Variants in MED14 observed in about 807,000 individuals in gnomAD.
MED14 encodes the protein mediator of RNA polymerase II transcription subunit 14.
A neutral mutation model predicts 109.0 loss-of-function variants in MED14; 8 were observed. The observed-to-expected ratio is 0.07, with a 90% CI of 0.04 to 0.13. The LOEUF (loss-of-function observed/expected upper bound fraction) is 0.13, where lower values mean the gene tolerates loss of function less well. MED14 is among the 10% of genes least tolerant of loss of function. The pLI, the probability that MED14 is intolerant of heterozygous loss-of-function variation, is 1.00. For synonymous variants in MED14, 399 were observed against 408.7 expected (o/e 0.98, Z 0.29); for missense variants, 711 against 1,142.4 (o/e 0.62, Z 5.44).
chrX:40,652,373 T>A (rs777966123), intron 30 of MED14, among the ~76,000 whole-genome samples: 5 of 112,313 alleles, frequency 4.5e-5, no homozygotes, highest in African/African-American at 1.6e-4. Context: ...AAGTGTGCCA[T>A]GGCTATTAAG....
chrX:40,732,324 G>A (rs1350177887), intron 1 of MED14, among the ~76,000 whole-genome samples: 2 of 112,077 alleles, frequency 1.8e-5, no homozygotes, highest in African/African-American at 6.5e-5. Context: ...TTTGAGACCA[G>A]CCTGGTCAGC....
intron 26 of MED14, chrX:40,659,862 T>G: frequency 3.8e-6 from 1 of 266,560 alleles, no homozygotes; most frequent in Non-Finnish European, 6.6e-6. Flanking sequence ...GAGCCTGAAT[T>G]CATGCAGTAG....
intron 30 of MED14, among the ~76,000 whole-genome samples, chrX:40,652,322 G>A (rs1013459568): frequency 8.9e-6 from 1 of 112,231 alleles, no homozygotes; most frequent in African/African-American, 3.2e-5. Context: ...TTAGGACAGC[G>A]CTGTCCAATA....
At position 40,650,200 on chromosome X, in the gene MED14, T is replaced by A; in HGVS notation, c.*1606A>T. 1 of 753,936 alleles carries A rather than the reference T, an allele frequency of 1.3e-6. No individual in the cohort carries two copies. Among genetic ancestry groups the A allele is most frequent in the Non-Finnish European group, 1.6e-6 (1 of 639,120 alleles). 62.1% of individuals were successfully genotyped at this position (753,936 alleles called of 1,213,427 possible). A position where few individuals can be genotyped will look rare whatever the true frequency, so the allele number is the denominator to read the frequency against. ...TAAAAAGATTAAGTTAAAGGAAGGA[T>A]AAAAGTTTAGTCAACTGCTCCTGAA... On this transcript the variant is annotated 3_prime_UTR_variant, in exon 31 of 31. Coordinates refer to ENST00000324817, the MANE Select transcript of MED14 (RefSeq NM_004229.4).
chrX:40,709,889 A>G (rs1447379430), intron 9 of MED14, 90 bp downstream of exon 9: 4 of 564,209 alleles, frequency 7.1e-6, no homozygotes, highest in Non-Finnish European at 1.1e-5. Context: ...GAAGAATTAG[A>G]TATTTTTAAA....
chrX:40,720,353 G>C (rs928175680), intron 3 of MED14, among the ~76,000 whole-genome samples: 1 of 112,117 alleles, frequency 8.9e-6, no homozygotes, highest in Non-Finnish European at 1.9e-5. Context: ...TGCACTTAAG[G>C]GAGGGAGAGA....
intron 16 of MED14, among the ~76,000 whole-genome samples, chrX:40,683,600 G>A (rs1257950857): frequency 2.7e-5 from 3 of 111,882 alleles, no homozygotes; most frequent in Non-Finnish European, 5.6e-5. Context: ...GAACTCCTGA[G>A]CGATCCTCCC....
chrX:40,704,525 C>T (rs1931064977), intron 10 of MED14, among the ~76,000 whole-genome samples: 1 of 112,087 alleles, frequency 8.9e-6, no homozygotes, highest in Admixed American at 9.4e-5. Context: ...TAACATCTTC[C>T]CCTCCATGCC....
Position 40,680,848 on chromosome X carries a change from T to G in MED14, c.2520A>C (p.Pro840=). The G allele has an allele frequency of 1.0e-5, 12 of 1,199,172 alleles. No homozygotes were observed. Among genetic ancestry groups the G allele is most frequent in the Non-Finnish European group, 1.4e-5 (12 of 884,121 alleles). The change falls in exon 20 of 31, where the codon CCA becomes CCC. Residue 840 remains proline (P), a synonymous_variant. Coordinates refer to ENST00000324817, the MANE Select transcript of MED14 (RefSeq NM_004229.4). ...KFHISLGTVG[P]NSGCSNCHNT... is the part of the protein sequence containing the mutation. ...TGTGACAGTTACTGCAACCTGAGTT[T>G]GGGCCAACAGTTCCCAAAGAAATGT...
chrX:40,728,230 G>A (rs753660922), intron 2 of MED14, among the ~76,000 whole-genome samples: 1 of 111,595 alleles, frequency 9.0e-6, no homozygotes, highest in Admixed American at 9.5e-5. Flanking sequence ...CTACAATGGA[G>A]ATGTCCCCCT....
At chrX:40,728,277 T>TTGTC (rs765133623) in intron 2 of MED14, among the ~76,000 whole-genome samples, 6 of 111,701 alleles carry the variant, frequency 5.4e-5, no homozygotes, top group South Asian at 3.8e-4. Flanking sequence ...TGACACCATG[T>TTGTC]TGTCTCAAGT....
intron 30 of MED14, among the ~76,000 whole-genome samples, chrX:40,653,652 C>T (rs1034437042): frequency 8.9e-6 from 1 of 112,009 alleles, no homozygotes; most frequent in Admixed American, 9.4e-5. Flanking sequence ...GAAAAGTTCT[C>T]TTTGCTGAGC....
intron 10 of MED14, among the ~76,000 whole-genome samples, chrX:40,705,515 C>A (rs1292693940): frequency 1.8e-5 from 2 of 111,940 alleles, no homozygotes; most frequent in Non-Finnish European, 1.9e-5. Flanking sequence ...ATAAAATACA[C>A]AATGCCCTAA....
At chrX:40,707,803 G>A (rs953464705) in intron 10 of MED14, among the ~76,000 whole-genome samples, 9 of 111,703 alleles carry the variant, frequency 8.1e-5, no homozygotes, top group East Asian at 2.8e-4. Flanking sequence ...ATGGGTACAC[G>A]GTTTCTTTCT....
intron 22 of MED14, among the ~76,000 whole-genome samples, chrX:40,673,829 A>G (rs1413396279): frequency 1.6e-5 from 1 of 61,167 alleles, no homozygotes; most frequent in Non-Finnish European, 3.9e-5. Flanking sequence ...CTGGGCAACA[A>G]GAGCGAAACT....
chrX:40,652,045 G>A (rs1928899101), intron 30 of MED14, among the ~76,000 whole-genome samples, 166 bp from the exon 31 acceptor site: 1 of 112,377 alleles, frequency 8.9e-6, no homozygotes, highest in Non-Finnish European at 1.9e-5. Flanking sequence ...GTGGTGTTAA[G>A]TATCAGATTA....
intron 12 of MED14, among the ~76,000 whole-genome samples, chrX:40,700,811 C>T (rs181847833): frequency 1.4e-3 from 159 of 111,809 alleles, no homozygotes; most frequent in African/African-American, 4.7e-3. Flanking sequence ...TCAACCATGA[C>T]GATTACCCTG....
chrX:40,691,864 G>A (rs186639433), intron 15 of MED14, among the ~76,000 whole-genome samples: 3 of 109,454 alleles, frequency 2.7e-5, no homozygotes, highest in Non-Finnish European at 3.8e-5. Context: ...CACCCGCCTC[G>A]GCCTCCCAAA....
chrX:40,660,652 AG>A lies in MED14; in HGVS notation c.3685-1046del, dbSNP rs764381624. Among the ~76,000 whole-genome samples the A allele has an allele frequency of 1.3e-4, 15 of 112,367 alleles. No individual in the cohort carries two copies. The South Asian group carries it at 5.5e-3, about 42-fold the overall frequency. On this transcript the variant is annotated intron_variant, in intron 26 of 30. Transcript: ENST00000324817. The stretch of plus-strand genomic sequence containing the variant: ...GGGCCGTAGTTTACTGACCCGTTTT[AG>A]CAGAGTATGTTGATTATGCAGCTGA...
Sources: allele counts gnomAD v4.1 joint callset (sites outside exome capture counted in the v4.1 genomes callset), GRCh38; gene constraint gnomAD v4.1.1; transcripts MANE v1.5; gene names NCBI Gene and HGNC (gene_info 2026-07-23, HGNC 2026-07-21).